The following RASGRF2 variants were observed in gnomAD, a reference collection of about 807,000 sequenced individuals.
RASGRF2 encodes the protein Ras protein specific guanine nucleotide releasing factor 2.
Under a neutral mutation model 151.0 loss-of-function variants are expected in RASGRF2, and 76 were observed. The ratio of observed to expected loss-of-function variants is 0.50; its 90% CI spans 0.42 to 0.61. The LOEUF (loss-of-function observed/expected upper bound fraction) is 0.61, where lower values mean the gene tolerates loss of function less well. RASGRF2 is among the 20% of genes least tolerant of loss of function. RASGRF2 has a pLI of 0.00. For missense variants in RASGRF2, 1,148 were observed against 1,564.6 expected, an observed-to-expected ratio of 0.73 and a Z score of 4.49; for synonymous variants, 504 against 566.5, an observed-to-expected ratio of 0.89 and a Z score of 1.57.
At chr5:81,029,646 C>T (rs1259515431) in intron 1 of RASGRF2, among the ~76,000 whole-genome samples, 2 of 152,182 alleles carry the variant, frequency 1.3e-5, no homozygotes, top group South Asian at 2.1e-4. Context: ...ACCCCATCTG[C>T]ACGTCACCAT....
intron 2 of RASGRF2, among the ~76,000 whole-genome samples, chr5:81,061,743 A>C (rs889976218): frequency 6.6e-6 from 1 of 151,896 alleles, no homozygotes. Flanking sequence ...CCTGGAGTGC[A>C]GTGGCATGAA....
intron 15 of RASGRF2, among the ~76,000 whole-genome samples, chr5:81,120,403 C>G (rs187288672): frequency 6.6e-6 from 1 of 152,000 alleles, no homozygotes; most frequent in African/African-American, 2.4e-5. Context: ...ATAGTGAGAC[C>G]TTGTCTCTAC....
At chr5:81,014,989 G>A (rs1749582798) in intron 1 of RASGRF2, among the ~76,000 whole-genome samples, 2 of 151,994 alleles carry the variant, frequency 1.3e-5, no homozygotes, top group African/African-American at 4.8e-5. Context: ...GCATAGTCAC[G>A]ACTCACTGTA....
intron 2 of RASGRF2, among the ~76,000 whole-genome samples, chr5:81,043,518 C>T (rs575534487): frequency 2.6e-5 from 4 of 152,172 alleles, no homozygotes; most frequent in South Asian, 2.1e-4. Flanking sequence ...ACTGTGATTT[C>T]GCTTCCCCCT....
At chr5:81,185,373 G>A (rs924712098) in intron 18 of RASGRF2, among the ~76,000 whole-genome samples, 1 of 152,310 alleles carries the variant, frequency 6.6e-6, no homozygotes, top group African/African-American at 2.4e-5. Context: ...GAACCAGATG[G>A]GTCCATGGGG....
chr5:81,207,021 T>C, intron 20 of RASGRF2, 116 bp downstream of exon 20: 1 of 916,494 alleles, frequency 1.1e-6, no homozygotes, highest in Non-Finnish European at 1.7e-6. Flanking sequence ...CTGTCCTATC[T>C]GTGAAGCTCT....
In RASGRF2 at chr5:81,217,358, G is replaced by C; in HGVS notation, c.3437G>C (p.Cys1146Ser). Residue 1146 changes from cysteine (C) to serine (S), a missense_variant and splice_region_variant, in exon 25 of 27, where the codon TGT becomes TCT. Around this residue, in one of 5 missense-constraint regions of RASGRF2, gnomAD observed 100 missense variants for 148.2 expected, o/e 0.67. Coordinates refer to ENST00000265080, the MANE Select transcript of RASGRF2 (RefSeq NM_006909.3). Reference protein sequence around the residue: ...FKNLRETLKNCNPPAVPYLGM... With the variant: ...FKNLRETLKNSNPPAVPYLGM... ...AACAGTGCCTCTTGGTCTTGCAGTT[G>C]TAACCCTCCTGCAGTTCCTTATCTT... 6.2e-7 allele frequency: 1 copy of C among 1,604,442 alleles called. No homozygotes were observed. The highest frequency in any genetic ancestry group is 8.5e-7 in the Non-Finnish European group (1 of 1,176,952).
intron 1 of RASGRF2, among the ~76,000 whole-genome samples, chr5:81,036,726 G>T (rs1750510551): frequency 6.6e-6 from 1 of 151,612 alleles, no homozygotes; most frequent in African/African-American, 2.4e-5. Flanking sequence ...TGTCCAAATT[G>T]AGCTGATTTC....
chr5:81,082,550 G>A (rs1752116818), intron 7 of RASGRF2, among the ~76,000 whole-genome samples: 1 of 152,204 alleles, frequency 6.6e-6, no homozygotes, highest in Non-Finnish European at 1.5e-5. Context: ...AGGCAGCTGA[G>A]CTGAGCTCTA....
intron 1 of RASGRF2, among the ~76,000 whole-genome samples, chr5:81,000,767 T>A (rs1345864843): frequency 2.0e-5 from 3 of 152,314 alleles, no homozygotes; most frequent in East Asian, 3.9e-4. Context: ...TTTTGTCCTA[T>A]GCATCTCTAC....
intron 17 of RASGRF2, among the ~76,000 whole-genome samples, chr5:81,134,492 A>G (rs1013475458): frequency 2.6e-5 from 4 of 152,068 alleles, no homozygotes; most frequent in Admixed American, 6.6e-5. Context: ...CTGGGCCTGT[A>G]GCATCAGCAT....
chr5:81,202,132 T>G (rs1755409434), intron 19 of RASGRF2, among the ~76,000 whole-genome samples: 1 of 152,134 alleles, frequency 6.6e-6, no homozygotes, highest in South Asian at 2.1e-4. Context: ...GATTTTTTTT[T>G]TGTCCACTCT....
intron 1 of RASGRF2, among the ~76,000 whole-genome samples, chr5:80,964,101 G>C (rs1747652805): frequency 6.6e-6 from 1 of 150,952 alleles, no homozygotes; most frequent in Non-Finnish European, 1.5e-5. Flanking sequence ...TATTTGCATT[G>C]CTCTATTTTT....
intron 7 of RASGRF2, 127 bp downstream of exon 7, chr5:81,080,916 T>G: frequency 1.2e-6 from 1 of 817,988 alleles, no homozygotes; most frequent in Non-Finnish European, 1.9e-6. Context: ...TACCATCTGT[T>G]GCTGTCTTGA....
chr5:80,994,540 C>T (rs938911008), intron 1 of RASGRF2, among the ~76,000 whole-genome samples: 6 of 152,078 alleles, frequency 3.9e-5, no homozygotes, highest in African/African-American at 1.4e-4. Context: ...AAAATAAAAC[C>T]TTCATAAAAT....
chr5:80,979,857 C>T (rs921710269), intron 1 of RASGRF2, among the ~76,000 whole-genome samples: 12 of 152,066 alleles, frequency 7.9e-5, no homozygotes, highest in Non-Finnish European at 1.0e-4. Flanking sequence ...GCTCTGAAAA[C>T]CTGCTTGGAA....
At chr5:81,133,712 T>C (rs1228751972) in intron 17 of RASGRF2, among the ~76,000 whole-genome samples, 2 of 152,230 alleles carry the variant, frequency 1.3e-5, no homozygotes, top group African/African-American at 4.8e-5. Context: ...TTTACTGTTC[T>C]ATGCAACTCA....
chr5:81,046,443 A>C (rs894801586), intron 2 of RASGRF2, among the ~76,000 whole-genome samples: 24 of 152,106 alleles, frequency 1.6e-4, no homozygotes, highest in African/African-American at 5.8e-4. Context: ...GACCAGTCCA[A>C]GAAGCTCATT....
At chr5:81,214,163 A>G (rs748437353) in intron 23 of RASGRF2, among the ~76,000 whole-genome samples, 15 of 152,260 alleles carry the variant, frequency 9.9e-5, no homozygotes, top group African/African-American at 1.4e-4. Flanking sequence ...TGGTTTAGGA[A>G]TAACCGAACT....
Sources: allele counts gnomAD v4.1 joint callset (sites outside exome capture counted in the v4.1 genomes callset), GRCh38; gene constraint gnomAD v4.1.1; regional missense constraint gnomAD v4.1.1; transcripts MANE v1.5; gene names NCBI Gene and HGNC (gene_info 2026-07-23, HGNC 2026-07-21).